HIVEP3: variants seen among roughly 807,000 people sequenced by gnomAD.
HIVEP3 encodes HIVEP zinc finger 3.
Under a neutral mutation model 152.8 loss-of-function variants are expected in HIVEP3, and 49 were observed. The ratio of observed to expected loss-of-function variants is 0.32; its 90% CI spans 0.26 to 0.41. HIVEP3 has a LOEUF of 0.41. HIVEP3 is among the 10% of genes least tolerant of loss of function. The pLI, the probability that HIVEP3 is intolerant of heterozygous loss-of-function variation, is 1.00. For missense variants in HIVEP3, 2,790 were observed against 3,103.3 expected, an observed-to-expected ratio of 0.90 and a Z score of 2.40; for synonymous variants, 1,269 against 1,289.0, an observed-to-expected ratio of 0.98 and a Z score of 0.33.
intron 3 of HIVEP3, among the ~76,000 whole-genome samples, chr1:41,592,410 C>G (rs1644600990): frequency 6.6e-6 from 1 of 152,184 alleles, no homozygotes; most frequent in African/African-American, 2.4e-5. Context: ...GACAGTGTGG[C>G]CAACTGAAAA....
intron 1 of HIVEP3, among the ~76,000 whole-genome samples, chr1:41,838,878 T>A (rs1489220620): frequency 1.3e-5 from 2 of 152,098 alleles, no homozygotes; most frequent in Non-Finnish European, 2.9e-5. Context: ...CAATAGCAAC[T>A]AATCAAAACA....
intron 2 of HIVEP3, among the ~76,000 whole-genome samples, chr1:41,660,042 G>A (rs995480342): frequency 3.9e-5 from 6 of 152,256 alleles, no homozygotes; most frequent in Non-Finnish European, 7.3e-5. Flanking sequence ...GAGTGGGTGT[G>A]TGTAGAGGAG....
At chr1:41,823,461 A>G (rs1474325364) in intron 1 of HIVEP3, among the ~76,000 whole-genome samples, 2 of 152,240 alleles carry the variant, frequency 1.3e-5, no homozygotes, top group East Asian at 3.8e-4. Context: ...ATAAGAACCC[A>G]GTTCATCCAG....
chr1:41,771,492 T>C (rs566333843), intron 1 of HIVEP3, among the ~76,000 whole-genome samples: 4 of 152,292 alleles, frequency 2.6e-5, no homozygotes, highest in African/African-American at 9.6e-5. Context: ...GCAGTTTAGG[T>C]TGACCTCTTC....
chr1:41,978,586 G>T (rs534767597), intron 1 of HIVEP3, among the ~76,000 whole-genome samples: 1 of 152,144 alleles, frequency 6.6e-6, no homozygotes, highest in African/African-American at 2.4e-5. Context: ...ATGGATTTCC[G>T]TTGTTTAAGC....
chr1:41,583,066 G>A lies in HIVEP3; in HGVS notation c.1732C>T (p.His578Tyr), dbSNP rs202203017. ...ATCCGGGGGTGGGAGGTAAACACGT[G>A]ACTGCTGTGGCTCAGGGCTTCGGAG... ...TDSEALSHSS[H>Y]VFTSHPRMLK... The change falls in exon 4 of 9, where the codon CAC becomes TAC. Residue 578 changes from histidine to tyrosine, a missense_variant. His to Tyr is a moderately conservative substitution (Grantham distance 83, BLOSUM62 2). Transcript: ENST00000372583. This position sits in a 1 kb window ranked among gnomAD's most constrained non-coding sequence, Gnocchi z 6.9. 9 of 1,613,896 alleles carry A rather than the reference G, an allele frequency of 5.6e-6. No homozygotes were observed. Among genetic ancestry groups the A allele is most frequent in the Non-Finnish European group, 7.6e-6 (9 of 1,179,898 alleles).
intron 2 of HIVEP3, among the ~76,000 whole-genome samples, chr1:41,676,741 C>T (rs901598185): frequency 6.6e-6 from 1 of 152,150 alleles, no homozygotes; most frequent in Non-Finnish European, 1.5e-5. Context: ...CTTCCCTTCA[C>T]AGGAGGCCAC....
Position 41,518,505 on chromosome 1 carries a change from A to C in HIVEP3, c.5384-17T>G. ...TCAGATTCCCTAGAAAGAAACGAGAATACTTAGGCTCTGCTATGGGGCAGG... is the reference window on the plus strand; with the variant it reads ...TCAGATTCCCTAGAAAGAAACGAGACTACTTAGGCTCTGCTATGGGGCAGG... On this transcript the variant is annotated splice_polypyrimidine_tract_variant and intron_variant, in intron 6 of 8. Coordinates refer to ENST00000372583, the MANE Select transcript of HIVEP3 (RefSeq NM_024503.5). 1.9e-6 allele frequency: 3 copies of C among 1,608,490 alleles called. No individual in the cohort carries two copies. The highest frequency in any genetic ancestry group is 2.2e-5 in the South Asian group (2 of 91,002).
intron 1 of HIVEP3, among the ~76,000 whole-genome samples, chr1:41,723,524 C>CAT (rs1646708218): frequency 1.3e-5 from 2 of 151,926 alleles, no homozygotes; most frequent in Admixed American, 6.6e-5. Flanking sequence ...CACACACACA[C>CAT]ACACACAGCC....
chr1:41,682,135 G>T (rs1050596991), intron 2 of HIVEP3, among the ~76,000 whole-genome samples: 4 of 151,922 alleles, frequency 2.6e-5, no homozygotes, highest in Non-Finnish European at 5.9e-5. Context: ...CGCACACAGG[G>T]ACACGCAGCT....
chr1:41,884,502 G>A (rs988853702), intron 1 of HIVEP3, among the ~76,000 whole-genome samples: 1 of 152,286 alleles, frequency 6.6e-6, no homozygotes, highest in Admixed American at 6.5e-5. Context: ...TGGGGAATGC[G>A]GACATCAGGG....
chr1:41,689,104 T>C (rs1646156698), intron 2 of HIVEP3, among the ~76,000 whole-genome samples: 1 of 152,266 alleles, frequency 6.6e-6, no homozygotes, highest in African/African-American at 2.4e-5. Context: ...ATTCATTTCA[T>C]GAACTGAGTC....
intron 1 of HIVEP3, among the ~76,000 whole-genome samples, chr1:41,704,079 T>C (rs907819614): frequency 1.3e-5 from 2 of 152,206 alleles, no homozygotes; most frequent in Non-Finnish European, 2.9e-5. Flanking sequence ...CACACCTACC[T>C]TGAAGGGATG....
In HIVEP3 at chr1:41,577,309, T is replaced by C. The variant is rs561004841; in HGVS notation, c.5062-1620A>G. Among the ~76,000 whole-genome samples the C allele has an allele frequency of 4.6e-5, 7 of 152,338 alleles. No individual in the cohort carries two copies. In the South Asian group the frequency reaches 8.3e-4, roughly 18 times the overall value. Reference sequence around the variant, plus strand: ...TTAACTCATTTAATTATCTCCACAGTCCTATGCGCTAAGTGTTATTATTAT... The same window carrying C: ...TTAACTCATTTAATTATCTCCACAGCCCTATGCGCTAAGTGTTATTATTAT... On this transcript the variant is annotated intron_variant, in intron 4 of 8. Transcript: ENST00000372583.
intron 1 of HIVEP3, among the ~76,000 whole-genome samples, chr1:41,838,214 G>A (rs193073467): frequency 6.6e-6 from 1 of 152,024 alleles, no homozygotes; most frequent in Admixed American, 6.6e-5. Context: ...TTCCCCCAAC[G>A]GTAACATCTT....
intron 1 of HIVEP3, among the ~76,000 whole-genome samples, chr1:41,882,354 G>T (rs1392195292): frequency 6.6e-6 from 1 of 152,216 alleles, no homozygotes; most frequent in Non-Finnish European, 1.5e-5. Context: ...TGAAAAGGAA[G>T]ATGGCAGCCT....
intron 4 of HIVEP3, among the ~76,000 whole-genome samples, chr1:41,576,994 T>C (rs1644336486): frequency 6.6e-6 from 1 of 152,166 alleles, no homozygotes; most frequent in African/African-American, 2.4e-5. Context: ...GAGCCTACCA[T>C]TTCCACTGCA....
intron 1 of HIVEP3, among the ~76,000 whole-genome samples, chr1:41,974,476 C>T (rs1375688848): frequency 7.2e-6 from 1 of 138,064 alleles, no homozygotes; most frequent in African/African-American, 2.7e-5. Flanking sequence ...CATAACCCCA[C>T]TCCACCCCCT....
At chr1:41,638,284 G>GAAA (rs1645311167) in intron 2 of HIVEP3, among the ~76,000 whole-genome samples, 2 of 48,656 alleles carry the variant, frequency 4.1e-5, no homozygotes, top group South Asian at 7.0e-4. Flanking sequence ...GAAAGAAAGA[G>GAAA]GAAGGAAGGA....
Sources: allele counts gnomAD v4.1 joint callset (sites outside exome capture counted in the v4.1 genomes callset), GRCh38; gene constraint gnomAD v4.1.1; non-coding constraint Gnocchi (gnomAD v3.1); transcripts MANE v1.5; gene names NCBI Gene and HGNC (gene_info 2026-07-23, HGNC 2026-07-21).